RAP1A: variants seen among roughly 807,000 people sequenced by gnomAD.
RAP1A encodes RAP1A, member of RAS oncogene family.
In RAP1A, 6 loss-of-function variants were observed where a neutral mutation model predicts 26.4. The observed-to-expected ratio is 0.23, with a 90% CI of 0.12 to 0.45. The LOEUF (loss-of-function observed/expected upper bound fraction) is 0.45. Among genes scored for constraint, RAP1A ranks in the 20% least tolerant of loss-of-function variants. The pLI is 0.99. For synonymous variants in RAP1A, 73 were observed against 79.4 expected (o/e 0.92, Z 0.43); for missense variants, 121 against 217.2 (o/e 0.56, Z 2.78).
chr1:111,662,748 AAT>A (rs1264155522), intron 1 of RAP1A, among the ~76,000 whole-genome samples: 1 of 152,254 alleles, frequency 6.6e-6, no homozygotes, highest in Non-Finnish European at 1.5e-5. Context: ...TATGTTATTA[AAT>A]ATGTTGTTTA....
Position 111,716,576 on chromosome 1 carries a change from C to T in RAP1A, c.*4175C>T, listed in dbSNP as rs1207732237. On this transcript the variant is annotated 3_prime_UTR_variant, in exon 8 of 8. Coordinates refer to ENST00000369709, the MANE Select transcript of RAP1A (RefSeq NM_002884.4). Reference sequence around the variant, plus strand: ...CGTTGGGCATGCTGAGAAGCGGCCTCCTGTGGTTCTGGGCCCAAGGTGTGA... The same window carrying T: ...CGTTGGGCATGCTGAGAAGCGGCCTTCTGTGGTTCTGGGCCCAAGGTGTGA... The T allele has an allele frequency of 6.6e-6, 1 of 152,124 alleles. No individual in the cohort carries two copies. The highest frequency in any genetic ancestry group is 2.4e-5 in the African/African-American group (1 of 41,400). The allele number at this position is 152,124 out of a possible 1,614,324, so 9.4% of individuals were successfully genotyped here.
intron 1 of RAP1A, among the ~76,000 whole-genome samples, chr1:111,587,838 T>C (rs77282289): frequency 0.027 from 4,074 of 152,328 alleles, 67 homozygotes; most frequent in East Asian, 0.058. Flanking sequence ...TTTAATGCTG[T>C]GAAATATTCC....
chr1:111,666,572 GATT>G (rs1221597902), intron 1 of RAP1A, among the ~76,000 whole-genome samples: 6 of 151,942 alleles, frequency 3.9e-5, no homozygotes, highest in African/African-American at 9.7e-5. Context: ...CTAATTCTGA[GATT>G]ATTATATGTG....
chr1:111,670,399 A>G (rs907688524), intron 1 of RAP1A, among the ~76,000 whole-genome samples: 2 of 152,116 alleles, frequency 1.3e-5, no homozygotes, highest in Non-Finnish European at 2.9e-5. Context: ...GCTTGAGCTC[A>G]GGAGGCGGAG....
At chr1:111,548,621 G>T (rs867885637) in intron 1 of RAP1A, among the ~76,000 whole-genome samples, 1 of 152,166 alleles carries the variant, frequency 6.6e-6, no homozygotes, top group Admixed American at 6.5e-5. Context: ...GCTGTTAATC[G>T]TTGATCCTCT....
rs1405434793 is a variant in RAP1A at position 111,703,316 on chromosome 1, G to A, written c.184-20G>A. 1.4e-6 allele frequency: 2 copies of A among 1,472,278 alleles called. No individual in the cohort carries two copies. The highest frequency in any genetic ancestry group is 1.8e-6 in the Non-Finnish European group (2 of 1,092,416). 91.2% of individuals were successfully genotyped at this position (1,472,278 alleles called of 1,614,324 possible). A position where few individuals can be genotyped will look rare whatever the true frequency, so the allele number is the denominator to read the frequency against. ...TCAAGAAATTTATATATTTATAATT[G>A]CATATTTTTTAAATCATAGGAGCAA... is the stretch of plus-strand genomic sequence containing the variant. On this transcript the variant is annotated intron_variant, in intron 4 of 7. Coordinates refer to ENST00000369709, the MANE Select transcript of RAP1A (RefSeq NM_002884.4).
rs75525226 is a variant in RAP1A at position 111,613,793 on chromosome 1, A to C, written c.-28+71284A>C. 6.9e-3 allele frequency among the ~76,000 whole-genome samples: 1,055 copies of C among 152,248 alleles called. 22 individuals carry two copies. Among genetic ancestry groups the C allele is most frequent in the Admixed American group, 0.05 (764 of 15,294 alleles). ...TACTCTCACTTTCTTTACTTATCTC[A>C]AGGTCAACTGGTCATTTTGTGGACC... On this transcript the variant is annotated intron_variant, in intron 1 of 7. Transcript: ENST00000356415.
intron 1 of RAP1A, among the ~76,000 whole-genome samples, chr1:111,645,418 A>G (rs1411933622): frequency 6.6e-6 from 1 of 152,186 alleles, no homozygotes; most frequent in Non-Finnish European, 1.5e-5. Flanking sequence ...GATGTGCAGT[A>G]CTGAGGGTCC....
At chr1:111,658,120 C>G (rs1392953155) in intron 1 of RAP1A, among the ~76,000 whole-genome samples, 1 of 152,154 alleles carries the variant, frequency 6.6e-6, no homozygotes, top group African/African-American at 2.4e-5. Flanking sequence ...AGTCATACAT[C>G]ACTTAACAGG....
chr1:111,711,601 G>A lies in RAP1A; in HGVS notation c.*30-830G>A, dbSNP rs955661087. Among the ~76,000 whole-genome samples the A allele has an allele frequency of 3.9e-5, 6 of 152,262 alleles. No homozygotes were observed. The East Asian group carries it at 7.7e-4, about 20-fold the overall frequency. On this transcript the variant is annotated intron_variant, in intron 7 of 7. Coordinates refer to ENST00000369709, the MANE Select transcript of RAP1A (RefSeq NM_002884.4). Reference sequence around the variant, plus strand: ...GGATGTTTGATAATACCAAATAATAGGTGACTTAGCAATCAGACTGCTTTG... The same window carrying A: ...GGATGTTTGATAATACCAAATAATAAGTGACTTAGCAATCAGACTGCTTTG...
At chr1:111,684,920 G>T (rs948128358) in intron 1 of RAP1A, among the ~76,000 whole-genome samples, 1 of 152,064 alleles carries the variant, frequency 6.6e-6, no homozygotes, top group East Asian at 1.9e-4. Flanking sequence ...GCATGGTACT[G>T]GTACCAAAAC....
chr1:111,697,490 C>T lies in RAP1A; in HGVS notation c.176C>T (p.Ala59Val). 6.2e-7 allele frequency: 1 copy of T among 1,612,380 alleles called. No homozygotes were observed. The highest frequency in any genetic ancestry group is 1.1e-5 in the South Asian group (1 of 90,926). Residue 59 changes from alanine to valine, a missense_variant, in exon 4 of 8, where the codon GCA becomes GTA. Ala to Val is a moderately conservative substitution (Grantham distance 64). Coordinates refer to ENST00000369709, the MANE Select transcript of RAP1A (RefSeq NM_002884.4). ...QQCMLEILDT[A>V]GTEQFTAMRD... is the part of the protein sequence containing the mutation. ...TGTATGCTCGAAATCCTGGATACTGCAGGGACAGTAAGGATGTTTTCTCTT... is the reference window on the plus strand; with the variant it reads ...TGTATGCTCGAAATCCTGGATACTGTAGGGACAGTAAGGATGTTTTCTCTT...
intron 1 of RAP1A, among the ~76,000 whole-genome samples, chr1:111,569,521 G>A (rs913968424): frequency 6.6e-6 from 1 of 151,992 alleles, no homozygotes; most frequent in African/African-American, 2.4e-5. Context: ...GCTGTACTGG[G>A]TGCAAGGTCC....
intron 1 of RAP1A, among the ~76,000 whole-genome samples, chr1:111,575,572 A>G (rs377201336): frequency 3.3e-5 from 5 of 152,316 alleles, no homozygotes; most frequent in African/African-American, 1.2e-4. Flanking sequence ...CCAAGTTTAT[A>G]TGTTGAAGTC....
At chr1:111,584,001 C>A (rs1400677749) in intron 1 of RAP1A, among the ~76,000 whole-genome samples, 1 of 151,368 alleles carries the variant, frequency 6.6e-6, no homozygotes, top group Admixed American at 6.6e-5. Context: ...CTACCTCAGC[C>A]TCCCTAGTAA....
intron 1 of RAP1A, among the ~76,000 whole-genome samples, chr1:111,550,227 T>C (rs1252396979): frequency 4.6e-5 from 7 of 152,174 alleles, no homozygotes; most frequent in Admixed American, 3.3e-4. Flanking sequence ...ATTTTTCTGG[T>C]CAGCATGGAT....
intron 1 of RAP1A, among the ~76,000 whole-genome samples, chr1:111,629,760 G>A (rs940637573): frequency 6.6e-6 from 1 of 152,118 alleles, no homozygotes; most frequent in East Asian, 1.9e-4. Flanking sequence ...TGTTTTTCCT[G>A]TGTGAATCTG....
rs1662519680 is a variant in RAP1A at position 111,715,560 on chromosome 1, G to GTAAT, written c.*3162_*3165dup. The GTAAT allele has an allele frequency of 6.6e-6, 1 of 152,150 alleles. No homozygotes were observed. The highest frequency in any genetic ancestry group is 2.1e-4 in the South Asian group (1 of 4,822). The allele number at this position is 152,150 out of a possible 1,614,324, so 9.4% of individuals were successfully genotyped here. On this transcript the variant is annotated 3_prime_UTR_variant, in exon 8 of 8. Coordinates refer to ENST00000369709, the MANE Select transcript of RAP1A (RefSeq NM_002884.4). ...AGTTTTCTGAACTGCAGCTGCATGG[G>GTAAT]TAATTATCTTAAGAACTTTTGGCAA...
At chr1:111,623,238 C>G (rs1249488171) in intron 1 of RAP1A, among the ~76,000 whole-genome samples, 1 of 151,706 alleles carries the variant, frequency 6.6e-6, no homozygotes, top group African/African-American at 2.4e-5. Context: ...GTTGGCCAGG[C>G]TGATCTCAAA....
Sources: allele counts gnomAD v4.1 joint callset (sites outside exome capture counted in the v4.1 genomes callset), GRCh38; gene constraint gnomAD v4.1.1; transcripts MANE v1.5; gene names NCBI Gene and HGNC (gene_info 2026-07-23, HGNC 2026-07-21).